The following WDR62 variants were observed in gnomAD, a reference collection of about 807,000 sequenced individuals.
The protein encoded by WDR62 is WD repeat-containing protein 62.
Under a neutral mutation model 160.6 loss-of-function variants are expected in WDR62, and 112 were observed. The observed-to-expected ratio is 0.70, with a 90% confidence interval of 0.60 to 0.82. The LOEUF (loss-of-function observed/expected upper bound fraction) is 0.82. WDR62 is among the 40% of genes least tolerant of loss of function. The probability of loss-of-function intolerance (pLI) is 0.00; values close to 1 mark genes in which losing one functional copy is unlikely to be tolerated. For missense variants in WDR62, 1,819 were observed against 1,983.8 expected, an observed-to-expected ratio of 0.92 and a Z score of 1.58; for synonymous variants, 792 against 815.1, an observed-to-expected ratio of 0.97 and a Z score of 0.48.
intron 11 of WDR62, 61 bp from the exon 12 acceptor site, chr19:36,084,592 G>A (rs1972091917): frequency 4.6e-6 from 7 of 1,531,080 alleles, no homozygotes; most frequent in Non-Finnish European, 6.3e-6. Context: ...ACCTATTCTA[G>A]AAGTGGTAGA....
At chr19:36,063,957 G>C (rs1413450886) in intron 3 of WDR62, among the ~76,000 whole-genome samples, 8 of 152,224 alleles carry the variant, frequency 5.3e-5, no homozygotes, top group Admixed American at 5.2e-4. Context: ...TACTGGCTTA[G>C]AGGTCAGGGC....
Position 36,103,735 on chromosome 19 carries a change from A to G in WDR62, c.3907A>G (p.Ser1303Gly), listed in dbSNP as rs375742693. ...GGCCAACCTGAGACTGACCCTGTCA[A>G]GTGCCTGTGATGGGCTCCTGCAGCC... Reference protein sequence around the residue: ...ARANLRLTLSSACDGLLQPPV... With the variant: ...ARANLRLTLSGACDGLLQPPV... The change falls in exon 30 of 32, where the codon AGT becomes GGT. Residue 1303 changes from serine (S) to glycine (G), a missense_variant. Ser to Gly is a moderately conservative substitution (Grantham distance 56). Around this residue, in one of 3 missense-constraint regions of WDR62, gnomAD observed 770 missense variants for 734.2 expected, o/e 1.05. Coordinates refer to ENST00000401500, the MANE Select transcript of WDR62 (RefSeq NM_001083961.2). 1.2e-6 allele frequency: 2 copies of G among 1,611,356 alleles called. No homozygotes were observed. The highest frequency in any genetic ancestry group is 2.7e-5 in the African/African-American group (2 of 74,992).
chr19:36,089,361 C>G (rs1279638503), intron 15 of WDR62, 55 bp downstream of exon 15: 1 of 1,613,852 alleles, frequency 6.2e-7, no homozygotes, highest in Non-Finnish European at 8.5e-7. Context: ...CCTAGGCTGT[C>G]TGCTTTCCTC....
intron 3 of WDR62, among the ~76,000 whole-genome samples, chr19:36,063,552 A>G (rs996596749): frequency 6.6e-6 from 1 of 152,154 alleles, no homozygotes; most frequent in East Asian, 1.9e-4. Flanking sequence ...CACCCGGCCA[A>G]TCTTGACACT....
chr19:36,080,513 G>C (rs192907683), intron 9 of WDR62, among the ~76,000 whole-genome samples: 1 of 151,430 alleles, frequency 6.6e-6, no homozygotes, highest in Non-Finnish European at 1.5e-5. Flanking sequence ...TGCAACCTCC[G>C]CCTCCCAGGT....
chr19:36,055,423 C>T (rs1483429080), intron 1 of WDR62, among the ~76,000 whole-genome samples: 2 of 152,170 alleles, frequency 1.3e-5, no homozygotes. Flanking sequence ...AAATCACAGC[C>T]TAGTCCTGCT....
rs753628086 is a variant in WDR62 at position 36,058,875 on chromosome 19, A to G, written c.269+4A>G. The G allele has an allele frequency of 6.2e-7, 1 of 1,612,920 alleles. No homozygotes were observed. The highest frequency in any genetic ancestry group is 1.7e-5 in the Admixed American group (1 of 60,014). ...GCCATGTGGCCTACCTGGCAGGGTA[A>G]GCAGATAAGGGCCTCGACGTCTAAT... is the stretch of plus-strand genomic sequence containing the variant. On this transcript the variant is annotated splice_donor_region_variant and intron_variant, in intron 2 of 31. Transcript: ENST00000401500.
chr19:36,084,787 C>T (rs1972109844), intron 12 of WDR62, 43 bp downstream of exon 12: 1 of 1,581,468 alleles, frequency 6.3e-7, no homozygotes, highest in Non-Finnish European at 8.7e-7. Flanking sequence ...GGCAGGGAGG[C>T]AGCCCCCCTG....
intron 13 of WDR62, among the ~76,000 whole-genome samples, chr19:36,087,017 T>G (rs1285345973): frequency 1.3e-5 from 2 of 151,568 alleles, no homozygotes; most frequent in Non-Finnish European, 2.9e-5. Flanking sequence ...GTGGATCACC[T>G]GAGGTCAGGA....
intron 18 of WDR62, 29 bp from the exon 19 acceptor site, chr19:36,092,660 C>T (rs1972694256): frequency 1.9e-6 from 3 of 1,613,738 alleles, no homozygotes; most frequent in Non-Finnish European, 2.5e-6. Flanking sequence ...TCTTCCTCTG[C>T]CTTGTGTGTC....
At chr19:36,064,501 G>A (rs912236646) in intron 3 of WDR62, among the ~76,000 whole-genome samples, 3 of 152,180 alleles carry the variant, frequency 2.0e-5, no homozygotes, top group Middle Eastern at 3.4e-3. Context: ...GGGTGGTCTC[G>A]ATCTCCTGAC....
chr19:36,067,593 T>A (rs1971010383), intron 6 of WDR62, 150 bp downstream of exon 6: 1 of 1,271,402 alleles, frequency 7.9e-7, no homozygotes, highest in African/African-American at 1.5e-5. Context: ...GGGCCTACTC[T>A]CAGGGTGCTG....
rs1266357628 is a variant in WDR62, at chr19:36,101,254, C to T, written c.2908C>T (p.Gln970Ter). ...RKEVEAGPGD[Q>*]QGDSYLRVSS... ...GGAGGTGGAGGCCGGGCCTGGAGAC[C>T]AGCAGGGCGACTCCTACCTCAGGGT... is the stretch of plus-strand genomic sequence containing the variant. Residue 970 changes from glutamine (Q) to a stop codon, truncating the protein, a stop_gained, in exon 24 of 32, where the codon CAG becomes TAG. Coordinates refer to ENST00000401500, the MANE Select transcript of WDR62 (RefSeq NM_001083961.2). LOFTEE classifies it high-confidence loss of function. 1.9e-6 allele frequency: 3 copies of T among 1,613,232 alleles called. No individual in the cohort carries two copies. The highest frequency in any genetic ancestry group is 3.3e-5 in the Admixed American group (2 of 59,936).
chr19:36,085,671 A>C (rs894365460), intron 12 of WDR62, among the ~76,000 whole-genome samples: 1 of 151,976 alleles, frequency 6.6e-6, no homozygotes, highest in Admixed American at 6.6e-5. Flanking sequence ...GGCTAGGACC[A>C]TAGTAGGGTC....
chr19:36,106,644 G>C (rs117890800), downstream of WDR62, among the ~76,000 whole-genome samples: 6 of 152,324 alleles, frequency 3.9e-5, no homozygotes, highest in South Asian at 1.2e-3. Flanking sequence ...ACAGGCCTGG[G>C]GCAGCCACAC....
chr19:36,084,801 G>A, intron 12 of WDR62, 57 bp downstream of exon 12: 1 of 1,540,656 alleles, frequency 6.5e-7, no homozygotes, highest in African/African-American at 1.4e-5. Flanking sequence ...CCCCCTGGCA[G>A]GGCCACAGAA....
intron 2 of WDR62, among the ~76,000 whole-genome samples, chr19:36,059,660 C>T (rs1448204661): frequency 6.6e-6 from 1 of 152,112 alleles, no homozygotes; most frequent in Admixed American, 6.5e-5. Flanking sequence ...GTCTAAAACT[C>T]CTGAGCTCAA....
At chr19:36,080,600 A>T (rs991126312) in intron 9 of WDR62, among the ~76,000 whole-genome samples, 4 of 151,878 alleles carry the variant, frequency 2.6e-5, no homozygotes, top group Non-Finnish European at 4.4e-5. Flanking sequence ...CTGGGATTAC[A>T]GGTGTGCACC....
In WDR62 at chr19:36,083,050, G is replaced by T; in HGVS notation, c.1372-13G>T. 1 of 1,608,596 alleles carries T rather than the reference G, an allele frequency of 6.2e-7. No individual in the cohort carries two copies. On this transcript the variant is annotated splice_polypyrimidine_tract_variant and intron_variant, in intron 10 of 31. Transcript: ENST00000401500. The stretch of plus-strand genomic sequence containing the variant: ...AGCTGCTCGTGCTGACCTCAGCCCT[G>T]TCCTTCCTGCAGACCCTGCTGAAGG...
Sources: allele counts gnomAD v4.1 joint callset (sites outside exome capture counted in the v4.1 genomes callset), GRCh38; gene constraint gnomAD v4.1.1; regional missense constraint gnomAD v4.1.1; transcripts MANE v1.5; gene names NCBI Gene and HGNC (gene_info 2026-07-23, HGNC 2026-07-21).